Variants in BRINP3 observed in about 807,000 individuals in gnomAD.
BRINP3 encodes BMP/retinoic acid-inducible neural-specific protein 3.
Under a neutral mutation model 71.0 loss-of-function variants are expected in BRINP3, and 19 were observed. The observed-to-expected ratio is 0.27, with a 90% confidence interval of 0.19 to 0.39. The LOEUF (loss-of-function observed/expected upper bound fraction) is 0.39. Ranked by LOEUF, BRINP3 falls within the 10% of genes least tolerant of loss-of-function variation. The probability of loss-of-function intolerance (pLI) is 1.00; values close to 1 mark genes in which losing one functional copy is unlikely to be tolerated. For missense variants in BRINP3, 959 were observed against 940.8 expected, an observed-to-expected ratio of 1.02 and a Z score of -0.25; for synonymous variants, 380 against 337.7, an observed-to-expected ratio of 1.13 and a Z score of -1.37.
At chr1:190,138,108 G>A (rs879715006) in intron 7 of BRINP3, among the ~76,000 whole-genome samples, 2 of 151,942 alleles carry the variant, frequency 1.3e-5, no homozygotes, top group Non-Finnish European at 2.9e-5. Context: ...GCATGTACCA[G>A]CACGCCTGGC....
At chr1:190,458,562 A>C (rs182174688) in intron 1 of BRINP3, among the ~76,000 whole-genome samples, 13 of 152,148 alleles carry the variant, frequency 8.5e-5, no homozygotes, top group Admixed American at 6.5e-4. Context: ...TAATTTATAA[A>C]TTATTACTGA....
chr1:190,103,668 C>T (rs1651891938), intron 7 of BRINP3, among the ~76,000 whole-genome samples: 2 of 151,956 alleles, frequency 1.3e-5, no homozygotes, highest in Non-Finnish European at 2.9e-5. Context: ...AATATGTCTA[C>T]AAGAAGGTAA....
intron 7 of BRINP3, among the ~76,000 whole-genome samples, chr1:190,103,823 C>A (rs187748559): frequency 6.6e-6 from 1 of 151,298 alleles, no homozygotes; most frequent in Admixed American, 6.6e-5. Flanking sequence ...AAGCCACACA[C>A]TAAAGCCTGT....
At chr1:190,476,346 C>G (rs937864881) in intron 1 of BRINP3, among the ~76,000 whole-genome samples, 3 of 151,512 alleles carry the variant, frequency 2.0e-5, no homozygotes, top group African/African-American at 7.3e-5. Context: ...AGGAACTTGT[C>G]CTTAATTTGA....
chr1:190,144,889 T>G (rs1223463742), intron 7 of BRINP3, among the ~76,000 whole-genome samples: 3 of 152,298 alleles, frequency 2.0e-5, no homozygotes, highest in African/African-American at 7.2e-5. Context: ...TGCTGTTCAG[T>G]CGGCCTGTAA....
chr1:190,350,831 T>G (rs957270649), intron 2 of BRINP3, among the ~76,000 whole-genome samples: 2 of 151,914 alleles, frequency 1.3e-5, no homozygotes, highest in African/African-American at 4.8e-5. Flanking sequence ...TGTTTTTTTT[T>G]TTTTTTTTTA....
intron 2 of BRINP3, among the ~76,000 whole-genome samples, chr1:190,335,725 C>T (rs1402574026): frequency 6.6e-6 from 1 of 151,830 alleles, no homozygotes; most frequent in African/African-American, 2.4e-5. Flanking sequence ...TAGATCATAA[C>T]ATTACCTGAA....
chr1:190,425,923 C>A (rs1256146596), intron 2 of BRINP3, among the ~76,000 whole-genome samples: 8 of 151,630 alleles, frequency 5.3e-5, no homozygotes, highest in African/African-American at 1.7e-4. Context: ...TCATGAAAAG[C>A]CAATAACTAA....
chr1:190,284,577 C>A (rs1663278365), intron 2 of BRINP3, among the ~76,000 whole-genome samples: 1 of 152,056 alleles, frequency 6.6e-6, no homozygotes, highest in Non-Finnish European at 1.5e-5. Flanking sequence ...ATCCAACTCA[C>A]TTTGGATATG....
intron 7 of BRINP3, among the ~76,000 whole-genome samples, chr1:190,130,286 G>T (rs10920583): frequency 2.6e-5 from 4 of 151,734 alleles, no homozygotes; most frequent in African/African-American, 4.8e-5. Context: ...AGGAGTCTAC[G>T]TTTGGGCCAA....
chr1:190,194,376 G>A (rs1654302187), intron 6 of BRINP3, among the ~76,000 whole-genome samples: 1 of 151,664 alleles, frequency 6.6e-6, no homozygotes, highest in South Asian at 2.1e-4. Context: ...AACCAACTTT[G>A]TGACAATTTT....
intron 7 of BRINP3, among the ~76,000 whole-genome samples, chr1:190,159,764 T>C (rs995121513): frequency 4.6e-5 from 7 of 151,980 alleles, no homozygotes; most frequent in African/African-American, 1.7e-4. Flanking sequence ...TCACCTTAGA[T>C]TATGATGGTT....
At chr1:190,362,408 C>G (rs1460414800) in intron 2 of BRINP3, 1 of 151,800 alleles carries the variant, frequency 6.6e-6, no homozygotes, top group Non-Finnish European at 1.5e-5. Flanking sequence ...GATATTATGC[C>G]TAAGCTATAT....
At chr1:190,280,995 C>A (rs1218858998) in intron 3 of BRINP3, among the ~76,000 whole-genome samples, 1 of 151,850 alleles carries the variant, frequency 6.6e-6, no homozygotes, top group Non-Finnish European at 1.5e-5. Context: ...TTAACAATAT[C>A]ACACAATAGC....
intron 2 of BRINP3, among the ~76,000 whole-genome samples, chr1:190,347,016 G>A (rs1411719482): frequency 6.6e-6 from 1 of 151,968 alleles, no homozygotes; most frequent in Admixed American, 6.6e-5. Context: ...ATAGCTTATG[G>A]AAGGCAGGAA....
At chr1:190,363,660 G>A (rs963153649) in intron 2 of BRINP3, among the ~76,000 whole-genome samples, 6 of 152,114 alleles carry the variant, frequency 3.9e-5, no homozygotes, top group African/African-American at 1.4e-4. Flanking sequence ...ATACGACAAT[G>A]TTGCTATTGA....
At chr1:190,099,349 A>G (rs1465216334) in intron 7 of BRINP3, among the ~76,000 whole-genome samples, 2 of 151,852 alleles carry the variant, frequency 1.3e-5, no homozygotes, top group African/African-American at 4.8e-5. Context: ...TGTATATTCC[A>G]TTTATCACTG....
At position 190,454,973 on chromosome 1, in the gene BRINP3, C is replaced by G. The variant is rs541986500; in HGVS notation, c.-50-33G>C. The G allele has an allele frequency of 3.2e-3, 3,271 of 1,012,226 alleles. 24 individuals are homozygous for G. Among genetic ancestry groups the G allele is most frequent in the South Asian group, 0.014 (865 of 63,140 alleles). The allele number at this position is 1,012,226 out of a possible 1,614,324, so 62.7% of individuals were successfully genotyped here. A position where few individuals can be genotyped will look rare whatever the true frequency, so the allele number is the denominator to read the frequency against. The stretch of plus-strand genomic sequence containing the variant: ...AAATACACAGGCAATTAGTTAACTC[C>G]TAGAAGATTCCTTTCTCTCAGTTAA... On this transcript the variant is annotated intron_variant, in intron 1 of 7. Transcript: ENST00000367462.
chr1:190,263,806 T>C (rs1340818917), intron 4 of BRINP3, among the ~76,000 whole-genome samples: 1 of 152,042 alleles, frequency 6.6e-6, no homozygotes, highest in Non-Finnish European at 1.5e-5. Context: ...CAGCATGGTC[T>C]CGATCTCCCG....
Sources: allele counts gnomAD v4.1 joint callset (sites outside exome capture counted in the v4.1 genomes callset), GRCh38; gene constraint gnomAD v4.1.1; transcripts MANE v1.5; gene names NCBI Gene and HGNC (gene_info 2026-07-23, HGNC 2026-07-21).